INTS3: variants seen among roughly 807,000 people sequenced by gnomAD.
INTS3 encodes the protein SOSS complex subunit A.
Under a neutral mutation model 146.3 loss-of-function variants are expected in INTS3, and 34 were observed. The ratio of observed to expected loss-of-function variants is 0.23; its 90% CI spans 0.18 to 0.31. The LOEUF is 0.31. Ranked by LOEUF, INTS3 falls within the 10% of genes least tolerant of loss-of-function variation. INTS3 has a pLI of 1.00. For synonymous variants in INTS3, 475 were observed against 494.9 expected, an observed-to-expected ratio of 0.96 and a Z score of 0.53; for missense variants, 757 against 1,304.2, an observed-to-expected ratio of 0.58 and a Z score of 6.46.
In INTS3 at chr1:153,768,916, C is replaced by T. The variant is rs759112980; in HGVS notation, c.2268C>T (p.Ser756=). 6.2e-6 allele frequency: 10 copies of T among 1,613,734 alleles called. No individual in the cohort carries two copies. Among genetic ancestry groups the T allele is most frequent in the South Asian group, 3.3e-5 (3 of 91,076 alleles). ...YTEFPDETLR[S]GELLNMIVAV... The stretch of plus-strand genomic sequence containing the variant: ...AGTTTCCAGATGAAACCTTGAGGAG[C>T]GGAGAGCTGCTGAACATGATCGTGG... The change falls in exon 22 of 30, where the codon AGC becomes AGT. Residue 756 remains serine, a synonymous_variant. Coordinates refer to ENST00000318967, the MANE Select transcript of INTS3 (RefSeq NM_023015.5).
intron 14 of INTS3, 22 bp downstream of exon 14, chr1:153,761,698 T>C: frequency 1.3e-6 from 2 of 1,544,412 alleles, no homozygotes; most frequent in South Asian, 2.2e-5. Flanking sequence ...GCCCATTCCA[T>C]CACCTGTGTC....
At chr1:153,732,506 C>T (rs1245325905) in intron 1 of INTS3, among the ~76,000 whole-genome samples, 2 of 150,992 alleles carry the variant, frequency 1.3e-5, no homozygotes, top group East Asian at 1.9e-4. Context: ...AGTGCAATGG[C>T]GTGATCTCAG....
chr1:153,729,736 T>G (rs769101861), intron 1 of INTS3, among the ~76,000 whole-genome samples: 4 of 152,008 alleles, frequency 2.6e-5, no homozygotes, highest in Non-Finnish European at 4.4e-5. Flanking sequence ...CATGGTGGCT[T>G]GTGCCTGTAA....
At chr1:153,761,137 T>A in intron 13 of INTS3, 2 of 1,258,294 alleles carry the variant, frequency 1.6e-6, no homozygotes, top group Non-Finnish European at 2.1e-6. Flanking sequence ...TGTTCCCTGT[T>A]GACCCCCTTC....
intron 8 of INTS3, among the ~76,000 whole-genome samples, chr1:153,752,828 G>A (rs115462921): frequency 0.011 from 1,735 of 152,224 alleles, 17 homozygotes; most frequent in Non-Finnish European, 0.015. Flanking sequence ...CCCTCCCTGG[G>A]AACAGTCTTG....
intron 9 of INTS3, 38 bp downstream of exon 9, chr1:153,754,777 G>A (rs774196375): frequency 3.6e-5 from 46 of 1,292,434 alleles, no homozygotes; most frequent in Non-Finnish European, 5.0e-5. Context: ...GAGGTCACAC[G>A]CTGGCTGGGC....
intron 1 of INTS3, among the ~76,000 whole-genome samples, chr1:153,737,056 T>A (rs1671322149): frequency 6.6e-6 from 1 of 152,096 alleles, no homozygotes; most frequent in Admixed American, 6.6e-5. Context: ...CGTGAGCCAC[T>A]GCACCTGGCC....
chr1:153,753,491 A>G (rs1285872187), intron 8 of INTS3, among the ~76,000 whole-genome samples: 1 of 149,526 alleles, frequency 6.7e-6, no homozygotes, highest in Non-Finnish European at 1.5e-5. Context: ...CAGGAGGTGG[A>G]GTTTGCAGTA....
chr1:153,763,900 C>G lies in INTS3; in HGVS notation c.1821+14C>G. ...CAGGTCCTGGAGGTGAGGAGGAACC[C>G]AATCCCTTAGGGAGGAAGCAGCCTA... is the stretch of plus-strand genomic sequence containing the variant. On this transcript the variant is annotated intron_variant, in intron 17 of 29. Coordinates refer to ENST00000318967, the MANE Select transcript of INTS3 (RefSeq NM_023015.5). The G allele has an allele frequency of 6.2e-7, 1 of 1,612,212 alleles. No homozygotes were observed. The highest frequency in any genetic ancestry group is 1.1e-5 in the South Asian group (1 of 90,918).
intron 1 of INTS3, among the ~76,000 whole-genome samples, chr1:153,730,845 A>AT (rs974671214): frequency 6.6e-6 from 1 of 151,722 alleles, no homozygotes; most frequent in Non-Finnish European, 1.5e-5. Context: ...TTGCCACACT[A>AT]TTTTTTTCCC....
In INTS3 at chr1:153,760,388, C is replaced by T. The variant is rs779217783; in HGVS notation, c.1315C>T (p.Arg439Cys). Residue 439 changes from arginine to cysteine, a missense_variant and splice_region_variant, in exon 12 of 30, where the codon CGC becomes TGC. Physicochemically the swap from Arg to Cys is radical, Grantham distance 180. Around this residue, in one of 8 missense-constraint regions of INTS3, gnomAD observed 35 missense variants for 122.2 expected, o/e 0.29. Coordinates refer to ENST00000318967, the MANE Select transcript of INTS3 (RefSeq NM_023015.5). ...ITATLLDFMCRIIPNFYPPLE... is the reference protein window; with the variant it reads ...ITATLLDFMCCIIPNFYPPLE... Reference sequence around the variant, plus strand: ...TGCCACACTCCTGGACTTCATGTGCCGCGTAAGTGTTAGAGCTCTCTTTTC... The same window carrying T: ...TGCCACACTCCTGGACTTCATGTGCTGCGTAAGTGTTAGAGCTCTCTTTTC... 1.9e-6 allele frequency: 3 copies of T among 1,612,888 alleles called. No homozygotes were observed. The highest frequency in any genetic ancestry group is 1.7e-6 in the Non-Finnish European group (2 of 1,178,954).
At chr1:153,742,478 C>CTGTGTGTGTGTGTGTGTGTGTGTGTGTG (rs35008806) in intron 3 of INTS3, among the ~76,000 whole-genome samples, 47 of 147,548 alleles carry the variant, frequency 3.2e-4, no homozygotes, top group African/African-American at 1.2e-3. Flanking sequence ...TTTTTAATCT[C>CTGTGTGTGTGTGTGTGTGTGTGTGTGTG]TGTGTGTGTG....
At chr1:153,767,587 C>T in intron 20 of INTS3, 87 bp from the exon 21 acceptor site, 10 of 1,377,966 alleles carry the variant, frequency 7.3e-6, no homozygotes, top group Non-Finnish European at 9.7e-6. Context: ...GCCAGCAAAG[C>T]AGTTTTAGAG....
At position 153,760,891 on chromosome 1, in the gene INTS3, A is replaced by G; in HGVS notation, c.1382A>G (p.Asn461Ser). Residue 461 changes from asparagine (N) to serine (S), a missense_variant, in exon 13 of 30, where the codon AAC becomes AGC. By Grantham distance (46) the Asn-to-Ser change is conservative. Transcript: ENST00000318967. ...CGGCAGGGTGTCTTTTCCTCCCTCAACCACATTGTGGAGAAACGGGTCTTG... is the reference window on the plus strand; with the variant it reads ...CGGCAGGGTGTCTTTTCCTCCCTCAGCCACATTGTGGAGAAACGGGTCTTG... Reference protein sequence around the residue: ...HVRQGVFSSLNHIVEKRVLAH... With the variant: ...HVRQGVFSSLSHIVEKRVLAH... 1 of 1,614,030 alleles carries G rather than the reference A, an allele frequency of 6.2e-7. No individual in the cohort carries two copies. Among genetic ancestry groups the G allele is most frequent in the South Asian group, 1.1e-5 (1 of 91,068 alleles).
Position 153,740,731 on chromosome 1 carries a change from G to T in INTS3, c.231G>T (p.Ala77=). The change falls in exon 2 of 30, where the codon GCG becomes GCT. Residue 77 remains alanine, a synonymous_variant. Coordinates refer to ENST00000318967, the MANE Select transcript of INTS3 (RefSeq NM_023015.5). ...SEREANDALN[A]YVCKGLPQHE... is the part of the protein sequence containing the mutation. Reference sequence around the variant, plus strand: ...GAGAAGCCAATGATGCCCTCAATGCGTATGTAAGTAGAATGCTGTCCCTGC... The same window carrying T: ...GAGAAGCCAATGATGCCCTCAATGCTTATGTAAGTAGAATGCTGTCCCTGC... 6.2e-7 allele frequency: 1 copy of T among 1,608,942 alleles called. No individual in the cohort carries two copies. Among genetic ancestry groups the T allele is most frequent in the Non-Finnish European group, 8.5e-7 (1 of 1,175,372 alleles).
chr1:153,741,371 A>G lies in INTS3; in HGVS notation c.318+3A>G, dbSNP rs761351009. The G allele has an allele frequency of 1.9e-6, 3 of 1,607,034 alleles. No homozygotes were observed. In the Admixed American group the frequency reaches 5.0e-5, roughly 27 times the overall value. On this transcript the variant is annotated splice_donor_region_variant and intron_variant, in intron 3 of 29. Coordinates refer to ENST00000318967, the MANE Select transcript of INTS3 (RefSeq NM_023015.5). The stretch of plus-strand genomic sequence containing the variant: ...CTGAACCTGCCCAAGCCCAGAAGGT[A>G]AGGCACCCTGCTCTGGACCCATAAA...
rs1044829647 is a variant in INTS3 at position 153,772,128 on chromosome 1, C to T, written c.2720+165C>T. ...GAAGCCACATGGCATGCGAGACCAC[C>T]GTGGCCCTTTCTCCCCATCTTCCAG... On this transcript the variant is annotated intron_variant, in intron 26 of 29. Transcript: ENST00000318967. This position sits in a 1 kb window ranked among gnomAD's most constrained non-coding sequence, Gnocchi z 4.6. Among the ~76,000 whole-genome samples, 12 of 152,220 alleles carry T rather than the reference C, an allele frequency of 7.9e-5. No individual in the cohort carries two copies. In the East Asian group the frequency reaches 1.7e-3, roughly 22 times the overall value.
In INTS3 at chr1:153,772,042, G is replaced by C. The variant is rs1672904446; in HGVS notation, c.2720+79G>C. The C allele has an allele frequency of 1.4e-6, 2 of 1,408,730 alleles. No individual in the cohort carries two copies. Among genetic ancestry groups the C allele is most frequent in the Non-Finnish European group, 1.9e-6 (2 of 1,040,226 alleles). 87.3% of individuals were successfully genotyped at this position (1,408,730 alleles called of 1,614,324 possible). A position where few individuals can be genotyped will look rare whatever the true frequency, so the allele number is the denominator to read the frequency against. ...TGTCGGTGGTGGTGGTGGTGGTGGT[G>C]GTGGTGGTGATGGGGGTCAGTGCTG... On this transcript the variant is annotated intron_variant, in intron 26 of 29. Transcript: ENST00000318967. This position sits in a 1 kb window ranked among gnomAD's most constrained non-coding sequence, Gnocchi z 4.6.
At chr1:153,743,752 T>C (rs1050303974) in intron 3 of INTS3, among the ~76,000 whole-genome samples, 8 of 152,026 alleles carry the variant, frequency 5.3e-5, no homozygotes, top group African/African-American at 1.9e-4. Flanking sequence ...TAAGGTAGAG[T>C]CCTAAGCTGT....
Sources: allele counts gnomAD v4.1 joint callset (sites outside exome capture counted in the v4.1 genomes callset), GRCh38; gene constraint gnomAD v4.1.1; regional missense constraint gnomAD v4.1.1; non-coding constraint Gnocchi (gnomAD v3.1); transcripts MANE v1.5; gene names NCBI Gene and HGNC (gene_info 2026-07-23, HGNC 2026-07-21).